Variants in ENTREP1 observed in about 807,000 individuals in gnomAD.
The protein encoded by ENTREP1 is endosomal transmembrane epsin interactor 1.
chr9:69,375,997 C>A, the ENTREP1 span: 3 of 863,282 alleles, frequency 3.5e-6, no homozygotes, highest in Non-Finnish European at 5.2e-6. Flanking sequence ...TGTGAGTGAC[C>A]CCAGAGACAG....
chr9:69,384,083 C>T, the ENTREP1 span: 2 of 1,332,946 alleles, frequency 1.5e-6, no homozygotes, highest in Non-Finnish European at 2.1e-6. Flanking sequence ...ATAGGCTGGG[C>T]AAGGTGGCTT....
chr9:69,333,730 T>C, the ENTREP1 span, among the ~76,000 whole-genome samples: 1 of 152,314 alleles, frequency 6.6e-6, no homozygotes, highest in Non-Finnish European at 1.5e-5. Context: ...TTTTACTGAA[T>C]TGGGAGATTT....
At chr9:69,373,356 A>G in the ENTREP1 span, among the ~76,000 whole-genome samples, 1 of 151,800 alleles carries the variant, frequency 6.6e-6, no homozygotes, top group African/African-American at 2.4e-5. Context: ...TCTCTTTCCC[A>G]CTCTGCCCAT....
chr9:69,389,573 C>T, the ENTREP1 span, among the ~76,000 whole-genome samples: 511 of 152,310 alleles, frequency 3.4e-3, 1 homozygote, highest in Non-Finnish European at 5.5e-3. Context: ...AGTTACTAAC[C>T]TATGTAGGGA....
the ENTREP1 span, among the ~76,000 whole-genome samples, chr9:69,346,092 C>T: frequency 6.6e-6 from 1 of 152,068 alleles, no homozygotes; most frequent in South Asian, 2.1e-4. Flanking sequence ...AAGCGATTCT[C>T]CTGTCTCAGC....
the ENTREP1 span, among the ~76,000 whole-genome samples, chr9:69,349,581 A>G: frequency 6.6e-6 from 1 of 152,154 alleles, no homozygotes; most frequent in African/African-American, 2.4e-5. Context: ...ATTCAGATCC[A>G]TTGCCCATTT....
the ENTREP1 span, among the ~76,000 whole-genome samples, chr9:69,350,037 T>G: frequency 6.6e-6 from 1 of 152,206 alleles, no homozygotes; most frequent in African/African-American, 2.4e-5. Context: ...CTGTGTTGTC[T>G]TTTTACTTTC....
chr9:69,363,606 T>G, the ENTREP1 span, among the ~76,000 whole-genome samples: 1 of 151,776 alleles, frequency 6.6e-6, no homozygotes, highest in Non-Finnish European at 1.5e-5. Context: ...GGAGTCAGAG[T>G]CATGTACAGA....
At chr9:69,366,383 G>A in the ENTREP1 span, among the ~76,000 whole-genome samples, 1 of 52,978 alleles carries the variant, frequency 1.9e-5, no homozygotes, top group African/African-American at 8.0e-5. Flanking sequence ...ATTCCAACTG[G>A]GGTTTTTTTT....
chr9:69,345,506 C>T, the ENTREP1 span, among the ~76,000 whole-genome samples: 1 of 152,184 alleles, frequency 6.6e-6, no homozygotes, highest in Non-Finnish European at 1.5e-5. Flanking sequence ...ATCTCAAACA[C>T]ACCACAGTGA....
chr9:69,379,029 G>A, the ENTREP1 span, among the ~76,000 whole-genome samples: 1 of 152,142 alleles, frequency 6.6e-6, no homozygotes, highest in African/African-American at 2.4e-5. Flanking sequence ...TGAGTTTAAA[G>A]GATAAGCAAA....
the ENTREP1 span, among the ~76,000 whole-genome samples, chr9:69,360,651 A>G: frequency 6.6e-6 from 1 of 152,048 alleles, no homozygotes; most frequent in Non-Finnish European, 1.5e-5. Context: ...TCCTTCCTGG[A>G]GCCTTTTGAC....
At chr9:69,390,769 A>T in the ENTREP1 span, among the ~76,000 whole-genome samples, 1 of 151,756 alleles carries the variant, frequency 6.6e-6, no homozygotes, top group Non-Finnish European at 1.5e-5. Context: ...CCTCTCAGGT[A>T]GCTGGGACTA....
chr9:69,383,247 T>C, the ENTREP1 span: 2 of 672,172 alleles, frequency 3.0e-6, no homozygotes, highest in Non-Finnish European at 3.7e-6. Flanking sequence ...TTCGTAACCA[T>C]CATCTTTATC....
chr9:69,373,553 A>C, the ENTREP1 span, among the ~76,000 whole-genome samples: 3 of 152,144 alleles, frequency 2.0e-5, no homozygotes, highest in Admixed American at 2.0e-4. Context: ...TTAGAGATAG[A>C]TTAAATACAG....
the ENTREP1 span, chr9:69,377,636 A>T: frequency 6.2e-7 from 1 of 1,614,078 alleles, no homozygotes; most frequent in African/African-American, 1.3e-5. Flanking sequence ...TCTGCTGAAG[A>T]AGCGGAGGAT....
chr9:69,388,064 T>G, the ENTREP1 span: 1 of 1,607,690 alleles, frequency 6.2e-7, no homozygotes, highest in East Asian at 2.2e-5. Context: ...TCAGATGCTT[T>G]CCATGTTGAG....
At chr9:69,340,169 C>T in the ENTREP1 span, among the ~76,000 whole-genome samples, 2 of 152,162 alleles carry the variant, frequency 1.3e-5, no homozygotes, top group Non-Finnish European at 2.9e-5. Context: ...TTGTATTCAT[C>T]CCCTTTGAAC....
chr9:69,367,720 TATATATAAAAATATATATATACAC>T, the ENTREP1 span, among the ~76,000 whole-genome samples: 7 of 63,050 alleles, frequency 1.1e-4, no homozygotes, highest in East Asian at 8.4e-4. Flanking sequence ...TATATACACA[TATATATAAAAATATATATATACAC>T]ATATATAAAT....
Sources: gnomAD v4.1 joint callset for allele counts (sites outside exome capture counted in the v4.1 genomes callset) on GRCh38, gnomAD v4.1.1 for gene constraint, MANE v1.5 for transcripts, NCBI Gene and HGNC (gene_info 2026-07-23, HGNC 2026-07-21) for gene names.